The following CIMIP6 variants were observed in gnomAD, a reference collection of about 807,000 sequenced individuals.
CIMIP6 encodes the protein ciliary microtubule inner protein 6, also known as uncharacterized protein C2orf73.
the CIMIP6 span, among the ~76,000 whole-genome samples, chr2:54,377,436 T>G: frequency 6.6e-6 from 1 of 151,960 alleles, no homozygotes. Context: ...ATAATTTTAT[T>G]TATATAATTT....
chr2:54,375,283 T>C, the CIMIP6 span, among the ~76,000 whole-genome samples: 4 of 152,194 alleles, frequency 2.6e-5, no homozygotes, highest in Admixed American at 6.5e-5. Context: ...ATTAAAAGTT[T>C]TATATAAAGA....
the CIMIP6 span, among the ~76,000 whole-genome samples, chr2:54,331,595 C>T: frequency 6.6e-6 from 1 of 152,042 alleles, no homozygotes; most frequent in Non-Finnish European, 1.5e-5. Context: ...GCAAACAGGC[C>T]TTTCTGCTAT....
chr2:54,331,003 T>G, the CIMIP6 span: 1 of 1,613,646 alleles, frequency 6.2e-7, no homozygotes, highest in Non-Finnish European at 8.5e-7. Flanking sequence ...TAAGCATCAG[T>G]AAGTGCTGGG....
At chr2:54,332,830 CA>C in the CIMIP6 span, among the ~76,000 whole-genome samples, 1 of 152,278 alleles carries the variant, frequency 6.6e-6, no homozygotes, top group African/African-American at 2.4e-5. Flanking sequence ...TAATTGACCC[CA>C]AAGACTCTAC....
the CIMIP6 span, chr2:54,358,905 T>G: frequency 1.3e-6 from 1 of 793,416 alleles, no homozygotes; most frequent in Non-Finnish European, 2.0e-6. Context: ...ACTGATTATA[T>G]GTCCATAAAC....
At chr2:54,381,154 G>T in the CIMIP6 span, among the ~76,000 whole-genome samples, 1 of 152,154 alleles carries the variant, frequency 6.6e-6, no homozygotes, top group Non-Finnish European at 1.5e-5. Context: ...AGCTCAAGCT[G>T]CTCTCCTGCT....
the CIMIP6 span, among the ~76,000 whole-genome samples, chr2:54,336,204 C>T: frequency 6.6e-6 from 1 of 152,152 alleles, no homozygotes; most frequent in African/African-American, 2.4e-5. Context: ...TACTCCATCA[C>T]AATCAAGCTA....
the CIMIP6 span, among the ~76,000 whole-genome samples, chr2:54,351,112 C>A: frequency 6.6e-6 from 1 of 152,166 alleles, no homozygotes; most frequent in Non-Finnish European, 1.5e-5. Context: ...AGAACAGCAT[C>A]TTTCACTTGT....
chr2:54,379,976 TAAAAAA>T, the CIMIP6 span, among the ~76,000 whole-genome samples: 1 of 136,708 alleles, frequency 7.3e-6, no homozygotes, highest in African/African-American at 2.7e-5. Flanking sequence ...AAAGTCCTTC[TAAAAAA>T]AAAAAAAAAA....
At chr2:54,355,492 T>A in the CIMIP6 span, among the ~76,000 whole-genome samples, 1 of 152,174 alleles carries the variant, frequency 6.6e-6, no homozygotes, top group Non-Finnish European at 1.5e-5. Flanking sequence ...GTGAGCTCTT[T>A]CAATCTGAGG....
the CIMIP6 span, among the ~76,000 whole-genome samples, chr2:54,350,489 G>T: frequency 1.3e-5 from 2 of 152,186 alleles, no homozygotes; most frequent in Admixed American, 1.3e-4. Flanking sequence ...ACTCCACGTG[G>T]TTTCTCCAGC....
At chr2:54,381,736 A>T in the CIMIP6 span, 1 of 1,387,768 alleles carries the variant, frequency 7.2e-7, no homozygotes, top group Non-Finnish European at 9.4e-7. Context: ...GGCTTGAATG[A>T]CTTTTCCATC....
At chr2:54,360,284 A>T in the CIMIP6 span, 1 of 1,612,186 alleles carries the variant, frequency 6.2e-7, no homozygotes, top group Admixed American at 1.7e-5. Context: ...ATTACTGAAC[A>T]CTCCAGGGTC....
chr2:54,333,984 A>G, the CIMIP6 span, among the ~76,000 whole-genome samples: 1 of 152,200 alleles, frequency 6.6e-6, no homozygotes, highest in Non-Finnish European at 1.5e-5. Context: ...GCTGTGTATA[A>G]GATTAAACGG....
the CIMIP6 span, chr2:54,331,110 C>A: frequency 9.7e-6 from 10 of 1,035,736 alleles, no homozygotes; most frequent in Non-Finnish European, 1.4e-5. Context: ...CAGACAGCCC[C>A]CTTGCTTCTC....
the CIMIP6 span, among the ~76,000 whole-genome samples, chr2:54,383,996 T>C: frequency 6.6e-6 from 1 of 152,216 alleles, no homozygotes; most frequent in African/African-American, 2.4e-5. Flanking sequence ...CCCTCCATCT[T>C]GGACTTCTCA....
At chr2:54,357,058 A>C in the CIMIP6 span, among the ~76,000 whole-genome samples, 1 of 152,204 alleles carries the variant, frequency 6.6e-6, no homozygotes, top group African/African-American at 2.4e-5. Context: ...AAATCTTTGC[A>C]CTACTGTTTT....
At chr2:54,354,683 G>A in the CIMIP6 span, among the ~76,000 whole-genome samples, 3 of 151,810 alleles carry the variant, frequency 2.0e-5, no homozygotes, top group Non-Finnish European at 2.9e-5. Flanking sequence ...ACATTTATCC[G>A]ATGTCTGTTT....
the CIMIP6 span, among the ~76,000 whole-genome samples, chr2:54,343,254 G>A: frequency 1.3e-5 from 2 of 152,144 alleles, no homozygotes; most frequent in South Asian, 2.1e-4. Context: ...GTGTGCTCTT[G>A]TATGACATAA....
Sources: allele counts gnomAD v4.1 joint callset (sites outside exome capture counted in the v4.1 genomes callset), GRCh38; gene constraint gnomAD v4.1.1; transcripts MANE v1.5; gene names NCBI Gene and HGNC (gene_info 2026-07-23, HGNC 2026-07-21).